PDE4A: variants seen among roughly 807,000 people sequenced by gnomAD.
The protein encoded by PDE4A is 3',5'-cyclic-AMP phosphodiesterase 4A.
Under a neutral mutation model 73.9 loss-of-function variants are expected in PDE4A, and 21 were observed. The ratio of observed to expected loss-of-function variants is 0.28; its 90% CI spans 0.20 to 0.41. The LOEUF (loss-of-function observed/expected upper bound fraction) is 0.41, where lower values mean the gene tolerates loss of function less well. PDE4A is among the 10% of genes least tolerant of loss of function. PDE4A has a pLI of 1.00. For synonymous variants in PDE4A, 463 were observed against 505.4 expected, an observed-to-expected ratio of 0.92 and a Z score of 1.13; for missense variants, 958 against 1,211.4, an observed-to-expected ratio of 0.79 and a Z score of 3.10.
chr19:10,467,387 C>T lies in PDE4A; in HGVS notation c.2427C>T (p.Ser809=). The part of the protein sequence containing the change: ...REEFVVAVSH[S]SPSALALQSP... ...AATTCGTGGTTGCTGTAAGCCACAG[C>T]AGCCCCTCTGCCCTGGCTCTTCAAA... The change falls in exon 15 of 15, where the codon AGC becomes AGT. Residue 809 remains serine (S), a synonymous_variant. Transcript: ENST00000380702. The T allele has an allele frequency of 6.2e-7, 1 of 1,614,168 alleles. No homozygotes were observed. Among genetic ancestry groups the T allele is most frequent in the Non-Finnish European group, 8.5e-7 (1 of 1,180,024 alleles).
Position 10,459,663 on chromosome 19 carries a change from G to A in PDE4A, c.1269G>A (p.Glu423=). 1 of 1,614,210 alleles carries A rather than the reference G, an allele frequency of 6.2e-7. No individual in the cohort carries two copies. Among genetic ancestry groups the A allele is most frequent in the Non-Finnish European group, 8.5e-7 (1 of 1,180,034 alleles). ...DTMVTYMLTL[E]DHYHADVAYH... is the part of the protein sequence containing the mutation. ...TGGTGACATACATGCTGACGCTGGA[G>A]GATCACTACCACGCTGACGTGGCCT... Residue 423 remains glutamate, a synonymous_variant, in exon 10 of 15, where the codon GAG becomes GAA. Coordinates refer to ENST00000380702, the MANE Select transcript of PDE4A (RefSeq NM_001111307.2).
chr19:10,449,074 T>A lies in PDE4A; in HGVS notation c.550-6T>A, dbSNP rs2043053018. On this transcript the variant is annotated splice_polypyrimidine_tract_variant and splice_region_variant and intron_variant, in intron 3 of 14. Coordinates refer to ENST00000380702, the MANE Select transcript of PDE4A (RefSeq NM_001111307.2). ...CCCCACTCCTCACTGCCGCTCCCCA[T>A]CCCAGGTGCTGGCCAGCCTCCGGAG... 2 of 1,613,276 alleles carry A rather than the reference T, an allele frequency of 1.2e-6. No homozygotes were observed. Among genetic ancestry groups the A allele is most frequent in the South Asian group, 2.2e-5 (2 of 90,868 alleles).
intron 1 of PDE4A, among the ~76,000 whole-genome samples, chr19:10,431,429 A>AG (rs1377650650): frequency 1.3e-5 from 2 of 152,192 alleles, no homozygotes; most frequent in African/African-American, 2.4e-5. Flanking sequence ...AAATGGGGCC[A>AG]GTCATGCCTT....
chr19:10,461,604 A>G lies in PDE4A; in HGVS notation c.1544A>G (p.Gln515Arg). ...HHLAVGFKLL[Q>R]EDNCDIFQNL... ...CTGGCCGTGGGCTTCAAGCTGCTGC[A>G]GGAGGACAACTGCGACATCTTCCAG... The change falls in exon 12 of 15, where the codon CAG (glutamine) becomes CGG (arginine). Residue 515 changes from glutamine to arginine, a missense_variant. Gln to Arg is a conservative substitution (Grantham distance 43). Coordinates refer to ENST00000380702, the MANE Select transcript of PDE4A (RefSeq NM_001111307.2). The G allele has an allele frequency of 1.9e-6, 3 of 1,591,206 alleles. No homozygotes were observed. The highest frequency in any genetic ancestry group is 1.7e-6 in the Non-Finnish European group (2 of 1,165,528).
intron 7 of PDE4A, 145 bp from the exon 8 acceptor site, chr19:10,457,734 T>G: frequency 7.0e-7 from 1 of 1,434,664 alleles, no homozygotes; most frequent in Non-Finnish European, 9.2e-7. Context: ...GTTTCCTGAC[T>G]CTGAGTAGCC....
In PDE4A at chr19:10,454,995, G is replaced by A. The variant is rs1599443287; in HGVS notation, c.877+73G>A. The A allele has an allele frequency of 9.0e-6, 13 of 1,443,172 alleles. No homozygotes were observed. The East Asian group carries it at 2.1e-4, about 23-fold the overall frequency. The allele number at this position is 1,443,172 out of a possible 1,614,324, so 89.4% of individuals were successfully genotyped here. On this transcript the variant is annotated intron_variant, in intron 7 of 14. Transcript: ENST00000380702. ...GAGAGGGGGCTGCCCCTGACCGTGG[G>A]TCCTGTTGCTCACATCTTCCCAGGG...
intron 1 of PDE4A, chr19:10,421,387 C>G: frequency 1.0e-6 from 1 of 966,592 alleles, no homozygotes; most frequent in Non-Finnish European, 1.2e-6. Context: ...GGTGACAGTG[C>G]AGAACAGCTG....
intron 13 of PDE4A, 64 bp from the exon 14 acceptor site, chr19:10,463,729 G>C: frequency 1.3e-6 from 2 of 1,591,628 alleles, no homozygotes; most frequent in Non-Finnish European, 1.7e-6. Context: ...AGGAATGCCT[G>C]AGGTCTCAGA....
chr19:10,467,489 G>A lies in PDE4A; in HGVS notation c.2529G>A (p.Ala843=), dbSNP rs200749341. The A allele has an allele frequency of 6.0e-4, 965 of 1,612,832 alleles. 3 individuals carry two copies. The highest frequency in any genetic ancestry group is 4.2e-4 in the Non-Finnish European group (499 of 1,179,752). Residue 843 remains alanine (A), a synonymous_variant, in exon 15 of 15, where the codon GCG becomes GCA. Transcript: ENST00000380702. ...APGLPGLPST[A]AEVEAQREHQ... ...GCCTCCCGGGCCTCCCCTCCACGGC[G>A]GCCGAGGTGGAGGCCCAACGAGAGC...
intron 6 of PDE4A, among the ~76,000 whole-genome samples, chr19:10,452,298 G>A (rs1223882076): frequency 1.3e-5 from 2 of 151,958 alleles, no homozygotes; most frequent in Non-Finnish European, 2.9e-5. Context: ...TTAGTCGGGT[G>A]TGCTGGAGGG....
chr19:10,430,981 C>T (rs780115814), intron 1 of PDE4A: 1 of 1,560,282 alleles, frequency 6.4e-7, no homozygotes, highest in Non-Finnish European at 8.6e-7. Context: ...CGTTCGCCGC[C>T]CTCCTCGCCC....
chr19:10,454,668 G>T (rs1031037832), intron 6 of PDE4A, 161 bp from the exon 7 acceptor site: 45 of 840,074 alleles, frequency 5.4e-5, no homozygotes, highest in Non-Finnish European at 6.0e-5. Flanking sequence ...GGACAGGAAA[G>T]GCTGACCCCA....
intron 6 of PDE4A, 79 bp from the exon 7 acceptor site, chr19:10,454,750 C>T (rs2043145627): frequency 1.3e-5 from 21 of 1,601,746 alleles, no homozygotes; most frequent in Non-Finnish European, 1.8e-5. Flanking sequence ...GGTCTTCAGG[C>T]GTTCTTGGGA....
chr19:10,456,536 T>TA lies in PDE4A; in HGVS notation c.878-1340dup, dbSNP rs1479722614. 4.0e-5 allele frequency among the ~76,000 whole-genome samples: 6 copies of TA among 148,472 alleles called. No homozygotes were observed. In the East Asian group the frequency reaches 9.8e-4, roughly 24 times the overall value. ...GTGAGACTCCATCTCAAAAAAAAAA[T>TA]AAATAAATAAATAAATAAATAGAAT... On this transcript the variant is annotated intron_variant, in intron 7 of 14. Transcript: ENST00000380702.
Position 10,467,918 on chromosome 19 carries a change from AAG to A in PDE4A, c.*299_*300del. The A allele has an allele frequency of 4.0e-6, 1 of 252,004 alleles. No individual in the cohort carries two copies. 15.6% of individuals were successfully genotyped at this position (252,004 alleles called of 1,614,324 possible). A position where few individuals can be genotyped will look rare whatever the true frequency, so the allele number is the denominator to read the frequency against. Reference sequence around the variant, plus strand: ...AAAAAGAACAAAAAAAGAAAAAAAAAAGAAAGAAACACAGCAACTGTAGATGC... The same window carrying A: ...AAAAAGAACAAAAAAAGAAAAAAAAAAAAGAAACACAGCAACTGTAGATGC... On this transcript the variant is annotated 3_prime_UTR_variant, in exon 15 of 15. Coordinates refer to ENST00000380702, the MANE Select transcript of PDE4A (RefSeq NM_001111307.2).
intron 1 of PDE4A, chr19:10,432,419 A>G: frequency 7.1e-7 from 1 of 1,407,950 alleles, no homozygotes; most frequent in Non-Finnish European, 9.2e-7. Flanking sequence ...CGCCCCGACG[A>G]CGGCGCTTGG....
In PDE4A at chr19:10,420,852, C is replaced by A; in HGVS notation, c.88C>A (p.Pro30Thr). The A allele has an allele frequency of 6.3e-7, 1 of 1,590,570 alleles. No individual in the cohort carries two copies. Among genetic ancestry groups the A allele is most frequent in the Non-Finnish European group, 8.5e-7 (1 of 1,176,272 alleles). Residue 30 changes from proline to threonine, a missense_variant, in exon 1 of 15, where the codon CCG (proline) becomes ACG (threonine). Physicochemically the swap from Pro to Thr is conservative, Grantham distance 38 (BLOSUM62 -1). This residue lies in a region of PDE4A where 145 missense variants were observed against 137.8 expected (regional missense o/e 1.05). Coordinates refer to ENST00000380702, the MANE Select transcript of PDE4A (RefSeq NM_001111307.2). The surrounding 1 kb of genome is among the most constrained non-coding windows in gnomAD (Gnocchi z 6.0). ...REGQATLKPP[P>T]QHLWRQPRTP... is the part of the protein sequence containing the mutation. ...GGGCCAGGCCACCCTGAAGCCTCCC[C>A]CGCAGCACCTGTGGCGGCAGCCTCG...
chr19:10,441,753 G>A (rs1372633786), intron 1 of PDE4A, among the ~76,000 whole-genome samples: 1 of 129,656 alleles, frequency 7.7e-6, no homozygotes, highest in Non-Finnish European at 1.6e-5. Flanking sequence ...GCAGTAGTGT[G>A]ATCTCGGCTC....
intron 6 of PDE4A, chr19:10,452,988 C>A: frequency 7.9e-7 from 1 of 1,269,534 alleles, no homozygotes; most frequent in Non-Finnish European, 1.0e-6. Context: ...CCTTGCCCTG[C>A]CCCCCTCCCA....
Sources: gnomAD v4.1 joint callset for allele counts (sites outside exome capture counted in the v4.1 genomes callset) on GRCh38, gnomAD v4.1.1 for gene constraint, gnomAD v4.1.1 regional missense constraint, Gnocchi (gnomAD v3.1) non-coding constraint, MANE v1.5 for transcripts, NCBI Gene and HGNC (gene_info 2026-07-23, HGNC 2026-07-21) for gene names.